Variants in IL1RAPL1 observed in about 807,000 individuals in gnomAD.
IL1RAPL1 encodes the protein interleukin 1 receptor accessory protein like 1.
IL1RAPL1 carries 3 observed loss-of-function variants against 48.4 expected under a neutral mutation model. That is an observed-to-expected ratio of 0.06 (90% CI 0.03 to 0.16). IL1RAPL1 has a LOEUF of 0.16. IL1RAPL1 is among the 10% of genes least tolerant of loss of function. The probability of loss-of-function intolerance (pLI) is 1.00; values close to 1 mark genes in which losing one functional copy is unlikely to be tolerated. For synonymous variants in IL1RAPL1, 185 were observed against 187.7 expected (o/e 0.99, Z 0.12); for missense variants, 349 against 530.6 (o/e 0.66, Z 3.36).
At chrX:29,305,240 G>A (rs1355221036) in intron 3 of IL1RAPL1, among the ~76,000 whole-genome samples, 1 of 112,452 alleles carries the variant, frequency 8.9e-6, no homozygotes, top group Admixed American at 9.4e-5. Flanking sequence ...ATTTAACTGA[G>A]ATCAAACTTT....
chrX:29,139,742 A>G (rs1390155583), intron 2 of IL1RAPL1, among the ~76,000 whole-genome samples: 1 of 111,735 alleles, frequency 8.9e-6, no homozygotes, highest in Non-Finnish European at 1.9e-5. Context: ...TGGCAGAAAC[A>G]TGCAATAGAT....
chrX:28,657,026 C>CAAA lies in IL1RAPL1; in HGVS notation c.-25+68997_-25+68999dup, dbSNP rs766745553. Among the ~76,000 whole-genome samples, 328 of 38,421 alleles carry CAAA rather than the reference C, an allele frequency of 8.5e-3. 3 individuals are homozygous for CAAA. Among genetic ancestry groups the CAAA allele is most frequent in the African/African-American group, 0.028 (309 of 10,987 alleles). The allele number at this position is 38,421 out of a possible 115,157, so 33.4% of individuals were successfully genotyped here. On this transcript the variant is annotated intron_variant, in intron 1 of 10. Transcript: ENST00000378993. ...TGGGCAACAGATCGAGACTCTACCT[C>CAAA]AAAAAAAAAAAAAAAAAAAAGATTT...
intron 6 of IL1RAPL1, among the ~76,000 whole-genome samples, chrX:29,913,405 CATATAT>C (rs1932775101): frequency 1.8e-5 from 2 of 109,541 alleles, no homozygotes; most frequent in Non-Finnish European, 3.8e-5. Flanking sequence ...CACACACACA[CATATAT>C]ACACATATAT....
At chrX:29,924,450 T>C (rs1402418407) in intron 8 of IL1RAPL1, among the ~76,000 whole-genome samples, 1 of 112,511 alleles carries the variant, frequency 8.9e-6, no homozygotes, top group Non-Finnish European at 1.9e-5. Flanking sequence ...GAACCTACTA[T>C]GTGCCTGGCA....
intron 2 of IL1RAPL1, among the ~76,000 whole-genome samples, chrX:28,867,104 T>C (rs1280749146): frequency 9.0e-6 from 1 of 110,960 alleles, no homozygotes; most frequent in East Asian, 2.8e-4. Flanking sequence ...CCATGGAAAA[T>C]GACCTGCAAA....
At position 28,760,027 on chromosome X, in the gene IL1RAPL1, T is replaced by A. The variant is rs186401900; in HGVS notation, c.-24-29293T>A. On this transcript the variant is annotated intron_variant, in intron 1 of 10. Coordinates refer to ENST00000378993, the MANE Select transcript of IL1RAPL1 (RefSeq NM_014271.4). ...TCTGTACTTTTAGGACTCAAATTGA[T>A]AAAAGAAAAAAGTTTTTAATTTTTT... 8.6e-4 allele frequency among the ~76,000 whole-genome samples: 96 copies of A among 112,250 alleles called. 1 individual carries two copies. The highest frequency in any genetic ancestry group is 3.0e-3 in the African/African-American group (92 of 30,980).
intron 5 of IL1RAPL1, among the ~76,000 whole-genome samples, chrX:29,459,399 T>C (rs921156913): frequency 1.3e-4 from 15 of 111,598 alleles, no homozygotes; most frequent in African/African-American, 4.6e-4. Context: ...TGACAGGCAA[T>C]TATAGACCAT....
chrX:28,782,744 G>C lies in IL1RAPL1; in HGVS notation c.-24-6576G>C, dbSNP rs374470227. Among the ~76,000 whole-genome samples, 17 of 111,398 alleles carry C rather than the reference G, an allele frequency of 1.5e-4. No individual in the cohort carries two copies. The East Asian group carries it at 3.1e-3, about 20-fold the overall frequency. On this transcript the variant is annotated intron_variant, in intron 1 of 10. Transcript: ENST00000378993. ...AGTTTATACTTTAATAGCATTTTGA[G>C]ATTTTAAACGGTTTTGGGTTTACTC... is the stretch of plus-strand genomic sequence containing the variant.
Position 29,323,718 on chromosome X carries a change from T to C in IL1RAPL1, c.362+40501T>C, listed in dbSNP as rs1354630756. Among the ~76,000 whole-genome samples the C allele has an allele frequency of 1.6e-3, 5 of 3,207 alleles. 1 individual carries two copies. Among genetic ancestry groups the C allele is most frequent in the Non-Finnish European group, 2.3e-3 (5 of 2,189 alleles). 2.8% of individuals were successfully genotyped at this position (3,207 alleles called of 115,157 possible). On this transcript the variant is annotated intron_variant, in intron 3 of 10. Coordinates refer to ENST00000378993, the MANE Select transcript of IL1RAPL1 (RefSeq NM_014271.4). ...ACCAACTCATACTGAATTTTTTATA[T>C]ATATATATATATATATATATATATA...
chrX:28,785,132 T>G (rs1936461506), intron 1 of IL1RAPL1, among the ~76,000 whole-genome samples: 2 of 112,137 alleles, frequency 1.8e-5, no homozygotes, highest in African/African-American at 6.5e-5. Flanking sequence ...ACCAGTTGTC[T>G]TTTTTATTTC....
chrX:29,189,748 T>C (rs765960813), intron 2 of IL1RAPL1, among the ~76,000 whole-genome samples: 60 of 111,825 alleles, frequency 5.4e-4, no homozygotes, highest in Non-Finnish European at 1.0e-3. Flanking sequence ...AAAAGTTGTC[T>C]GGGATAATGT....
At chrX:29,013,270 G>A (rs950625860) in intron 2 of IL1RAPL1, among the ~76,000 whole-genome samples, 4 of 110,994 alleles carry the variant, frequency 3.6e-5, no homozygotes, top group African/African-American at 1.3e-4. Flanking sequence ...GTTGGTGAAA[G>A]TGTAAATTAG....
chrX:28,727,567 C>G (rs1601876221), intron 1 of IL1RAPL1, among the ~76,000 whole-genome samples: 1 of 105,755 alleles, frequency 9.5e-6, no homozygotes, highest in Non-Finnish European at 1.9e-5. Flanking sequence ...ACTTCCAACA[C>G]TATGTTGAAT....
At chrX:28,589,238 C>T (rs191394474) in intron 1 of IL1RAPL1, among the ~76,000 whole-genome samples, 1 of 111,299 alleles carries the variant, frequency 9.0e-6, no homozygotes, top group East Asian at 2.8e-4. Context: ...GGAAGTCGTG[C>T]ATAATCGGTG....
At chrX:29,838,899 G>C (rs1435877353) in intron 6 of IL1RAPL1, among the ~76,000 whole-genome samples, 2 of 112,239 alleles carry the variant, frequency 1.8e-5, no homozygotes, top group African/African-American at 6.5e-5. Flanking sequence ...GTGACTGCCA[G>C]ATTGGGTAGG....
chrX:29,428,893 A>G (rs1209148787), intron 5 of IL1RAPL1, among the ~76,000 whole-genome samples: 1 of 111,854 alleles, frequency 8.9e-6, no homozygotes, highest in Non-Finnish European at 1.9e-5. Context: ...CATTTACCTT[A>G]TTACACTTTA....
intron 5 of IL1RAPL1, among the ~76,000 whole-genome samples, chrX:29,456,758 A>G (rs1269286902): frequency 2.7e-5 from 3 of 111,492 alleles, no homozygotes; most frequent in Non-Finnish European, 5.6e-5. Flanking sequence ...GAATGTTTAC[A>G]TGCATATTTA....
At chrX:29,315,209 T>A (rs1168030779) in intron 3 of IL1RAPL1, among the ~76,000 whole-genome samples, 2 of 111,992 alleles carry the variant, frequency 1.8e-5, no homozygotes, top group Non-Finnish European at 3.8e-5. Context: ...AAGGGTCAGA[T>A]GGATCAGCAG....
chrX:29,450,313 A>G (rs777616489), intron 5 of IL1RAPL1, among the ~76,000 whole-genome samples: 2 of 112,264 alleles, frequency 1.8e-5, no homozygotes, highest in Non-Finnish European at 3.8e-5. Flanking sequence ...GGATACACAC[A>G]TGTGGACACA....
Sources: gnomAD v4.1 joint callset for allele counts (sites outside exome capture counted in the v4.1 genomes callset) on GRCh38, gnomAD v4.1.1 for gene constraint, MANE v1.5 for transcripts, NCBI Gene and HGNC (gene_info 2026-07-23, HGNC 2026-07-21) for gene names.